Variants in KCND2 observed in about 807,000 individuals in gnomAD.
The protein encoded by KCND2 is A-type voltage-gated potassium channel KCND2.
In KCND2, 16 loss-of-function variants were observed where a neutral mutation model predicts 54.4. The observed-to-expected ratio is 0.29, with a 90% CI of 0.20 to 0.45. KCND2 has a LOEUF of 0.45. Ranked by LOEUF, KCND2 falls within the 20% of genes least tolerant of loss-of-function variation. The probability of loss-of-function intolerance (pLI) is 1.00; values close to 1 mark genes in which losing one functional copy is unlikely to be tolerated. For missense variants in KCND2, 486 were observed against 824.2 expected (o/e 0.59, Z 5.02); for synonymous variants, 317 against 310.7 (o/e 1.02, Z -0.21).
In KCND2 at chr7:120,349,538, AT is replaced by A. The variant is rs551135177; in HGVS notation, c.1115+73800del. ...ATTGCAGACCACATTCAATTTTGGAATTTTTTTTTCCTGGAGTAAATAGCAT... is the reference window on the plus strand; with the variant it reads ...ATTGCAGACCACATTCAATTTTGGAATTTTTTTTCCTGGAGTAAATAGCAT... On this transcript the variant is annotated intron_variant, in intron 1 of 5. Transcript: ENST00000331113. Among the ~76,000 whole-genome samples, 288 of 151,900 alleles carry A rather than the reference AT, an allele frequency of 1.9e-3. 1 individual carries two copies. Among genetic ancestry groups the A allele is most frequent in the Non-Finnish European group, 2.7e-3 (186 of 67,902 alleles).
rs902858109 is a variant in KCND2 at position 120,353,137 on chromosome 7, T to A, written c.1115+77390T>A. On this transcript the variant is annotated intron_variant, in intron 1 of 5. Transcript: ENST00000331113. Reference sequence around the variant, plus strand: ...AATGTGAGATAAATACTTTTACTTTTTTTTTTTTTTTTTTTTTTTTTAGGC... The same window carrying A: ...AATGTGAGATAAATACTTTTACTTTATTTTTTTTTTTTTTTTTTTTTAGGC... Among the ~76,000 whole-genome samples the A allele has an allele frequency of 5.0e-4, 70 of 140,806 alleles. 1 individual carries two copies. The highest frequency in any genetic ancestry group is 7.5e-4 in the African/African-American group (27 of 36,122). The allele number at this position is 140,806 out of a possible 152,430, so 92.4% of individuals were successfully genotyped here.
At chr7:120,644,508 A>G (rs1793414504) in intron 1 of KCND2, among the ~76,000 whole-genome samples, 1 of 152,192 alleles carries the variant, frequency 6.6e-6, no homozygotes, top group East Asian at 1.9e-4. Context: ...TAATTTCTGT[A>G]ATACAAAACT....
chr7:120,318,094 C>A (rs905607474), intron 1 of KCND2, among the ~76,000 whole-genome samples: 2 of 152,118 alleles, frequency 1.3e-5, no homozygotes, highest in Admixed American at 6.6e-5. Flanking sequence ...TAGAGTAAAT[C>A]TTGTCTAATT....
Position 120,275,200 on chromosome 7 carries a change from G to A in KCND2, c.568G>A (p.Val190Ile). ...CACGATGGCCCTGGTGTTCTACTATGTCACGGGGTTTTTCATTGCCGTCTC... is the reference window on the plus strand; with the variant it reads ...CACGATGGCCCTGGTGTTCTACTATATCACGGGGTTTTTCATTGCCGTCTC... ...TSTMALVFYYVTGFFIAVSVI... is the reference protein window; with the variant it reads ...TSTMALVFYYITGFFIAVSVI... Residue 190 changes from valine (V) to isoleucine (I), a missense_variant, in exon 1 of 6, where the codon GTC (valine) becomes ATC (isoleucine). Physicochemically the swap from Val to Ile is conservative, Grantham distance 29. Transcript: ENST00000331113. 6.2e-7 allele frequency: 1 copy of A among 1,614,064 alleles called. No individual in the cohort carries two copies. Among genetic ancestry groups the A allele is most frequent in the Non-Finnish European group, 8.5e-7 (1 of 1,180,022 alleles).
At chr7:120,346,525 G>C (rs1373842958) in intron 1 of KCND2, among the ~76,000 whole-genome samples, 2 of 152,116 alleles carry the variant, frequency 1.3e-5, no homozygotes, top group South Asian at 4.2e-4. Flanking sequence ...ACAGATTTTG[G>C]TGCTTCTTGA....
intron 1 of KCND2, among the ~76,000 whole-genome samples, chr7:120,430,076 C>T (rs1801767839): frequency 1.3e-5 from 2 of 152,114 alleles, no homozygotes; most frequent in Non-Finnish European, 2.9e-5. Context: ...TTCTTAGAGT[C>T]TGCATAAAAA....
chr7:120,309,764 T>C (rs1441775565), intron 1 of KCND2, among the ~76,000 whole-genome samples: 1 of 152,056 alleles, frequency 6.6e-6, no homozygotes, highest in Non-Finnish European at 1.5e-5. Context: ...CAATCTCTGA[T>C]CTTGTCACTG....
chr7:120,741,618 A>G lies in KCND2; in HGVS notation c.1363A>G (p.Asn455Asp), dbSNP rs1792942368. Residue 455 changes from asparagine to aspartate, a missense_variant, in exon 3 of 6, where the codon AAT (asparagine) becomes GAT (aspartate). Physicochemically the swap from Asn to Asp is conservative, Grantham distance 23. Around this residue, in one of 7 missense-constraint regions of KCND2, gnomAD observed 202 missense variants for 252.7 expected, o/e 0.80. Transcript: ENST00000331113. ...MQSKRNGLLS[N>D]QLQSSEDEQA... is the part of the protein sequence containing the mutation. ...GAGCAAACGGAATGGTTTACTCAGTAATCAGCTGCAGGTACAATCAATTAC... is the reference window on the plus strand; with the variant it reads ...GAGCAAACGGAATGGTTTACTCAGTGATCAGCTGCAGGTACAATCAATTAC... 1 of 1,609,572 alleles carries G rather than the reference A, an allele frequency of 6.2e-7. No homozygotes were observed. Among genetic ancestry groups the G allele is most frequent in the African/African-American group, 1.3e-5 (1 of 74,820 alleles).
At chr7:120,453,756 A>G (rs1321147635) in intron 1 of KCND2, among the ~76,000 whole-genome samples, 1 of 152,190 alleles carries the variant, frequency 6.6e-6, no homozygotes, top group African/African-American at 2.4e-5. Context: ...AAGCAATGTA[A>G]AAAGGGAACT....
At chr7:120,277,466 G>T (rs984757382) in intron 1 of KCND2, among the ~76,000 whole-genome samples, 1 of 151,976 alleles carries the variant, frequency 6.6e-6, no homozygotes, top group African/African-American at 2.4e-5. Flanking sequence ...GAATAAAAAA[G>T]ATTCTGTTTT....
intron 1 of KCND2, among the ~76,000 whole-genome samples, chr7:120,687,472 T>C (rs1389329682): frequency 6.6e-6 from 1 of 152,296 alleles, no homozygotes; most frequent in South Asian, 2.1e-4. Context: ...ATGAAATGCA[T>C]GTGCTGATTA....
At chr7:120,559,673 T>C (rs1584828085) in intron 1 of KCND2, among the ~76,000 whole-genome samples, 1 of 152,196 alleles carries the variant, frequency 6.6e-6, no homozygotes, top group South Asian at 2.1e-4. Flanking sequence ...TCTAATTCTA[T>C]TGGATAATTA....
chr7:120,665,748 A>G (rs1442343414), intron 1 of KCND2, among the ~76,000 whole-genome samples: 2 of 152,066 alleles, frequency 1.3e-5, no homozygotes, highest in African/African-American at 2.4e-5. Flanking sequence ...TTTTTCCTCA[A>G]ATAATTTTGC....
chr7:120,381,249 T>C (rs1324490433), intron 1 of KCND2, among the ~76,000 whole-genome samples: 1 of 152,044 alleles, frequency 6.6e-6, no homozygotes, highest in Non-Finnish European at 1.5e-5. Context: ...AGTGAGACTG[T>C]GTCTCAAAAA....
rs1032580221 is a variant in KCND2 at position 120,716,308 on chromosome 7, T to C, written c.1116-16595T>C. On this transcript the variant is annotated intron_variant, in intron 1 of 5. Transcript: ENST00000331113. Reference sequence around the variant, plus strand: ...AATTGCTTTTTCTGATTTTATTTCATAGAGTTTAATTTAAGAAAAAAAATG... The same window carrying C: ...AATTGCTTTTTCTGATTTTATTTCACAGAGTTTAATTTAAGAAAAAAAATG... Among the ~76,000 whole-genome samples the C allele has an allele frequency of 1.3e-4, 20 of 151,312 alleles. No individual in the cohort carries two copies. In the East Asian group the frequency reaches 2.9e-3, roughly 22 times the overall value.
intron 1 of KCND2, among the ~76,000 whole-genome samples, chr7:120,294,571 T>G (rs552022956): frequency 2.0e-5 from 3 of 152,016 alleles, no homozygotes; most frequent in Non-Finnish European, 4.4e-5. Context: ...AAGACATTTT[T>G]ATCTAACTGA....
intron 1 of KCND2, among the ~76,000 whole-genome samples, chr7:120,433,637 C>G (rs1318006157): frequency 1.3e-5 from 2 of 152,082 alleles, no homozygotes; most frequent in East Asian, 1.9e-4. Context: ...AGTAAATGCT[C>G]TGTAAGTATT....
intron 1 of KCND2, among the ~76,000 whole-genome samples, chr7:120,387,879 A>G (rs1801012806): frequency 6.6e-6 from 1 of 152,058 alleles, no homozygotes. Context: ...AAGATTTTAC[A>G]GTGTCTCTAG....
chr7:120,510,648 TCTAC>T (rs1055660290), intron 1 of KCND2, among the ~76,000 whole-genome samples: 2 of 152,076 alleles, frequency 1.3e-5, no homozygotes, highest in African/African-American at 4.8e-5. Flanking sequence ...ACACAGATTC[TCTAC>T]CTAAGGAGCA....
Sources: allele counts gnomAD v4.1 joint callset (sites outside exome capture counted in the v4.1 genomes callset), GRCh38; gene constraint gnomAD v4.1.1; regional missense constraint gnomAD v4.1.1; transcripts MANE v1.5; gene names NCBI Gene and HGNC (gene_info 2026-07-23, HGNC 2026-07-21).